Variants in TBCD observed in about 807,000 individuals in gnomAD.
TBCD encodes tubulin folding cofactor D.
TBCD carries 105 observed loss-of-function variants against 169.3 expected under a neutral mutation model. That is an observed-to-expected ratio of 0.62 (90% CI 0.53 to 0.73). The LOEUF is 0.73. Among genes scored for constraint, TBCD ranks in the 30% least tolerant of loss-of-function variants. TBCD has a pLI of 0.00. For synonymous variants in TBCD, 700 were observed against 643.9 expected (o/e 1.09, Z -1.32); for missense variants, 1,444 against 1,600.1 (o/e 0.90, Z 1.66).
intron 13 of TBCD, among the ~76,000 whole-genome samples, chr17:82,863,875 G>A (rs1194058323): frequency 6.6e-6 from 1 of 152,214 alleles, no homozygotes; most frequent in Non-Finnish European, 1.5e-5. Context: ...GTTCAGTCCT[G>A]TCTGGTTTTC....
rs781150987 is a variant in TBCD, at chr17:82,930,131, C to T, written c.2992-391C>T. The T allele has an allele frequency of 9.5e-5, 27 of 282,948 alleles. No individual in the cohort carries two copies. Among genetic ancestry groups the T allele is most frequent in the African/African-American group, 5.1e-4 (23 of 44,982 alleles). The allele number at this position is 282,948 out of a possible 1,614,324, so 17.5% of individuals were successfully genotyped here. ...TGAGGTGCCCTCTGCGCCGTGCGGG[C>T]GCGTGCGGGGAGACCCGGGCCACAT... On this transcript the variant is annotated intron_variant, in intron 32 of 38. Coordinates refer to ENST00000355528, the MANE Select transcript of TBCD (RefSeq NM_005993.5). The surrounding 1 kb of genome is among the most constrained non-coding windows in gnomAD (Gnocchi z 5.2).
Position 82,789,042 on chromosome 17 carries a change from G to A in TBCD, c.771+7321G>A, listed in dbSNP as rs541116380. Among the ~76,000 whole-genome samples, 9 of 152,314 alleles carry A rather than the reference G, an allele frequency of 5.9e-5. 1 individual carries two copies. Among genetic ancestry groups the A allele is most frequent in the Middle Eastern group, 3.4e-3 (1 of 294 alleles). On this transcript the variant is annotated intron_variant, in intron 7 of 38. Transcript: ENST00000355528. The surrounding 1 kb of genome is among the most constrained non-coding windows in gnomAD (Gnocchi z 4.8). The stretch of plus-strand genomic sequence containing the variant: ...GTGTGGCCAGAGGAAGATGACCCAC[G>A]TGGTCCTTTTTAGTTGTAGTGCTCT...
At chr17:82,818,079 A>C (rs979868520) in intron 13 of TBCD, among the ~76,000 whole-genome samples, 5 of 152,226 alleles carry the variant, frequency 3.3e-5, no homozygotes, top group Non-Finnish European at 5.9e-5. Flanking sequence ...TCTTATGGCA[A>C]CATGCACTGA....
intron 6 of TBCD, among the ~76,000 whole-genome samples, chr17:82,773,160 C>T (rs773311628): frequency 2.6e-5 from 4 of 152,188 alleles, no homozygotes; most frequent in Non-Finnish European, 4.4e-5. Context: ...TAGTGAAAGT[C>T]GAAAGCTGGT....
chr17:82,811,721 G>A (rs975431754), intron 12 of TBCD, among the ~76,000 whole-genome samples: 1 of 152,140 alleles, frequency 6.6e-6, no homozygotes, highest in African/African-American at 2.4e-5. Context: ...GCATAAAAAG[G>A]TGCAGCCTCA....
At chr17:82,927,022 C>T (rs926776721) in intron 28 of TBCD, 164 bp from the exon 29 acceptor site, 37 of 961,678 alleles carry the variant, frequency 3.8e-5, no homozygotes, top group South Asian at 2.1e-4. Context: ...GCACGTCCCA[C>T]GTTCCATACA....
At chr17:82,875,428 G>A (rs1291427916) in intron 14 of TBCD, among the ~76,000 whole-genome samples, 3 of 152,130 alleles carry the variant, frequency 2.0e-5, no homozygotes, top group African/African-American at 7.2e-5. Context: ...AAAGAAAGCC[G>A]AGCCCTACGC....
At chr17:82,829,059 A>G (rs2053230764) in intron 13 of TBCD, among the ~76,000 whole-genome samples, 1 of 141,466 alleles carries the variant, frequency 7.1e-6, no homozygotes, top group Admixed American at 7.1e-5. Context: ...GAATGCGCAC[A>G]CACCCACAGA....
At chr17:82,938,180 A>G in intron 36 of TBCD, 44 bp downstream of exon 36, 3 of 1,582,586 alleles carry the variant, frequency 1.9e-6, no homozygotes, top group African/African-American at 2.7e-5. Context: ...GTGTGGACAC[A>G]AGCCCCTCAG....
At chr17:82,883,323 A>G (rs4986127) in intron 14 of TBCD, among the ~76,000 whole-genome samples, 25 of 152,274 alleles carry the variant, frequency 1.6e-4, no homozygotes, top group South Asian at 1.4e-3. Context: ...AGGAGGCGCA[A>G]TCTCTCAAGC....
intron 14 of TBCD, among the ~76,000 whole-genome samples, chr17:82,883,437 G>C (rs910854839): frequency 1.3e-5 from 2 of 152,252 alleles, no homozygotes; most frequent in African/African-American, 4.8e-5. Context: ...ACTGAGCTGG[G>C]TGATCTCACA....
rs750680722 is a variant in TBCD, at chr17:82,806,054, C to A, written c.1087+43C>A. The A allele has an allele frequency of 6.3e-7, 1 of 1,596,964 alleles. No individual in the cohort carries two copies. The highest frequency in any genetic ancestry group is 1.3e-5 in the African/African-American group (1 of 74,804). On this transcript the variant is annotated intron_variant, in intron 10 of 38. Transcript: ENST00000355528. This position sits in a 1 kb window ranked among gnomAD's most constrained non-coding sequence, Gnocchi z 5.1. ...GGCGGCCTCTGCTCTTGGGCACCGT[C>A]GGGCCAATTCCCCTCTACTCCAGGA... is the stretch of plus-strand genomic sequence containing the variant.
chr17:82,930,268 C>T lies in TBCD; in HGVS notation c.2992-254C>T, dbSNP rs899069652. 8.0e-6 allele frequency: 4 copies of T among 501,416 alleles called. No homozygotes were observed. The highest frequency in any genetic ancestry group is 4.0e-5 in the African/African-American group (2 of 50,568). 31.1% of individuals were successfully genotyped at this position (501,416 alleles called of 1,614,324 possible). A position where few individuals can be genotyped will look rare whatever the true frequency, so the allele number is the denominator to read the frequency against. ...GGTGAGTGGCCGCAGCCTTTCGTCA[C>T]GTGCTCTCCCGCATGTCCTAAGTGA... On this transcript the variant is annotated intron_variant, in intron 32 of 38. Transcript: ENST00000355528. This position sits in a 1 kb window ranked among gnomAD's most constrained non-coding sequence, Gnocchi z 5.2.
At chr17:82,856,469 G>A (rs944462259) in intron 13 of TBCD, among the ~76,000 whole-genome samples, 7 of 151,982 alleles carry the variant, frequency 4.6e-5, no homozygotes, top group African/African-American at 1.7e-4. Flanking sequence ...AAAAACAGAC[G>A]CCCCAATGCT....
At chr17:82,844,858 C>T (rs533470293) in intron 13 of TBCD, among the ~76,000 whole-genome samples, 1 of 152,296 alleles carries the variant, frequency 6.6e-6, no homozygotes, top group East Asian at 1.9e-4. Flanking sequence ...GGCACCGTGC[C>T]AGGTGCATCA....
intron 14 of TBCD, among the ~76,000 whole-genome samples, chr17:82,871,015 C>G (rs2057518444): frequency 6.6e-6 from 1 of 152,244 alleles, no homozygotes; most frequent in African/African-American, 2.4e-5. Flanking sequence ...TTCAGAACCT[C>G]TGGGAGGTAG....
intron 13 of TBCD, among the ~76,000 whole-genome samples, chr17:82,816,979 T>C (rs1369148126): frequency 1.3e-5 from 2 of 152,232 alleles, no homozygotes; most frequent in Non-Finnish European, 2.9e-5. Context: ...TATGTCTTCT[T>C]TGGAGAAATG....
chr17:82,895,084 C>G (rs1265034194), intron 17 of TBCD, among the ~76,000 whole-genome samples: 1 of 152,238 alleles, frequency 6.6e-6, no homozygotes, highest in Non-Finnish European at 1.5e-5. Flanking sequence ...CTAAGCCAGC[C>G]TAAAACTCGC....
chr17:82,928,988 C>T (rs117123502), intron 30 of TBCD, 125 bp from the exon 31 acceptor site: 25,683 of 1,262,502 alleles, frequency 0.02, 344 homozygotes, highest in East Asian at 0.054. Flanking sequence ...CACCATGTCC[C>T]GAGGAGCCCG....
Sources: allele counts gnomAD v4.1 joint callset (sites outside exome capture counted in the v4.1 genomes callset), GRCh38; gene constraint gnomAD v4.1.1; non-coding constraint Gnocchi (gnomAD v3.1); transcripts MANE v1.5; gene names NCBI Gene and HGNC (gene_info 2026-07-23, HGNC 2026-07-21).